RMDN2: variants seen among roughly 807,000 people sequenced by gnomAD.
RMDN2 encodes regulator of microtubule dynamics 2.
A neutral mutation model predicts 52.8 loss-of-function variants in RMDN2; 61 were observed. That is an observed-to-expected ratio of 1.16 (90% CI 0.94 to 1.43). The LOEUF (loss-of-function observed/expected upper bound fraction) is 1.43, where lower values mean the gene tolerates loss of function less well. Ranked by LOEUF, RMDN2 falls within the 40% of genes most tolerant of loss-of-function variation. The pLI is 0.00. For missense variants in RMDN2, 592 were observed against 475.3 expected, an observed-to-expected ratio of 1.25 and a Z score of -2.28; for synonymous variants, 180 against 153.1, an observed-to-expected ratio of 1.18 and a Z score of -1.30.
At chr2:38,023,571 A>G (rs777406237) in intron 10 of RMDN2, among the ~76,000 whole-genome samples, 1 of 152,040 alleles carries the variant, frequency 6.6e-6, no homozygotes. Flanking sequence ...GACTTGATCT[A>G]CTTGAACTGA....
intron 2 of RMDN2, among the ~76,000 whole-genome samples, chr2:37,949,080 G>T (rs1326668925): frequency 6.6e-6 from 1 of 152,126 alleles, no homozygotes; most frequent in Non-Finnish European, 1.5e-5. Flanking sequence ...ATGACAATCA[G>T]ACCTTAGTGC....
chr2:37,995,623 C>G (rs1236783371), intron 7 of RMDN2, among the ~76,000 whole-genome samples: 3 of 152,132 alleles, frequency 2.0e-5, no homozygotes, highest in Non-Finnish European at 4.4e-5. Flanking sequence ...AACATTGGAG[C>G]CTCACATTTA....
chr2:38,021,031 A>T (rs1004037990), downstream of RMDN2, among the ~76,000 whole-genome samples: 1 of 152,176 alleles, frequency 6.6e-6, no homozygotes, highest in African/African-American at 2.4e-5. Context: ...AAATACACCA[A>T]TCAGCACTCT....
intron 10 of RMDN2, among the ~76,000 whole-genome samples, chr2:38,012,433 G>A (rs578065335): frequency 6.6e-6 from 1 of 152,288 alleles, no homozygotes; most frequent in South Asian, 2.1e-4. Context: ...CTCAGTAAGT[G>A]TTGATAGAAA....
At chr2:38,014,719 GT>G (rs1678500902) in intron 10 of RMDN2, among the ~76,000 whole-genome samples, 1 of 152,214 alleles carries the variant, frequency 6.6e-6, no homozygotes, top group Non-Finnish European at 1.5e-5. Flanking sequence ...GAATATGTGT[GT>G]TTGGGTGAAA....
Position 37,998,591 on chromosome 2 carries a change from G to C in RMDN2, c.1044+1077G>C, listed in dbSNP as rs549798884. ...GTGCTGTATTTCAGGGAGCAGTTTT[G>C]TAGAACTGAGAGGGAATTTGTAGAT... On this transcript the variant is annotated intron_variant, in intron 8 of 10. Transcript: ENST00000354545. 3.0e-3 allele frequency among the ~76,000 whole-genome samples: 463 copies of C among 152,222 alleles called. 2 individuals carry two copies. The highest frequency in any genetic ancestry group is 5.1e-3 in the Non-Finnish European group (345 of 68,006).
intron 10 of RMDN2, among the ~76,000 whole-genome samples, chr2:38,014,125 T>A (rs533515389): frequency 9.2e-5 from 14 of 151,974 alleles, no homozygotes; most frequent in Non-Finnish European, 1.8e-4. Context: ...GGCAGGAGAA[T>A]CTCTTGAACC....
At chr2:37,964,748 T>C (rs1266393533) in intron 2 of RMDN2, among the ~76,000 whole-genome samples, 1 of 152,226 alleles carries the variant, frequency 6.6e-6, no homozygotes, top group Non-Finnish European at 1.5e-5. Flanking sequence ...TTACTAATCA[T>C]CCGCCTGGTT....
intron 2 of RMDN2, among the ~76,000 whole-genome samples, chr2:37,959,362 C>T (rs1199668043): frequency 1.3e-5 from 2 of 150,898 alleles, no homozygotes; most frequent in Non-Finnish European, 2.9e-5. Context: ...GATTTGACTT[C>T]TTCCTGGTTT....
At chr2:37,921,523 A>C (rs1410519962), upstream of RMDN2, among the ~76,000 whole-genome samples, 1 of 152,224 alleles carries the variant, frequency 6.6e-6, no homozygotes, top group Non-Finnish European at 1.5e-5. Flanking sequence ...CCATGGGGCA[A>C]ATGATCAGAT....
chr2:38,034,520 C>G (rs1680443083), intron 10 of RMDN2, among the ~76,000 whole-genome samples: 1 of 152,076 alleles, frequency 6.6e-6, no homozygotes, highest in South Asian at 2.1e-4. Flanking sequence ...TAAACAGTAT[C>G]CCTAATGCTG....
chr2:37,994,174 A>G (rs902099445), intron 7 of RMDN2, among the ~76,000 whole-genome samples: 1 of 152,232 alleles, frequency 6.6e-6, no homozygotes, highest in African/African-American at 2.4e-5. Flanking sequence ...AAACAAAACA[A>G]AAAACCAGCA....
chr2:38,011,040 G>A (rs1677910213), intron 10 of RMDN2, among the ~76,000 whole-genome samples: 1 of 152,180 alleles, frequency 6.6e-6, no homozygotes. Context: ...TCAGTGGGAA[G>A]GAGGGGGCAC....
chr2:38,027,724 CCTT>C (rs1432158285), intron 10 of RMDN2, among the ~76,000 whole-genome samples: 1 of 152,140 alleles, frequency 6.6e-6, no homozygotes, highest in Non-Finnish European at 1.5e-5. Flanking sequence ...TACTTTTCCT[CCTT>C]CTTGAATACT....
At chr2:37,923,618 C>T (rs1285427748), upstream of RMDN2, among the ~76,000 whole-genome samples, 2 of 152,122 alleles carry the variant, frequency 1.3e-5, no homozygotes, top group Non-Finnish European at 2.9e-5. Context: ...TTAAATAAAG[C>T]TAGCATTATA....
chr2:38,000,623 C>T (rs948450903), intron 8 of RMDN2, among the ~76,000 whole-genome samples: 8 of 152,182 alleles, frequency 5.3e-5, no homozygotes, highest in African/African-American at 1.7e-4. Flanking sequence ...GTATATCTGG[C>T]TTTTACTCAG....
intron 10 of RMDN2, among the ~76,000 whole-genome samples, chr2:38,063,865 A>T (rs543582389): frequency 3.3e-5 from 5 of 152,318 alleles, no homozygotes; most frequent in African/African-American, 7.2e-5. Context: ...TCATTTTTTT[A>T]AAAATTTAGC....
chr2:37,959,483 G>A (rs1337736916), intron 2 of RMDN2, among the ~76,000 whole-genome samples: 1 of 150,852 alleles, frequency 6.6e-6, no homozygotes, highest in Non-Finnish European at 1.5e-5. Flanking sequence ...GTATTTCTCT[G>A]GGATCAGTGG....
intron 2 of RMDN2, among the ~76,000 whole-genome samples, chr2:37,944,547 A>G (rs184435658): frequency 2.0e-5 from 3 of 152,182 alleles, no homozygotes; most frequent in Non-Finnish European, 4.4e-5. Flanking sequence ...GTAGCCTTTC[A>G]CTTCTAATGT....
Sources: allele counts gnomAD v4.1 joint callset (sites outside exome capture counted in the v4.1 genomes callset), GRCh38; gene constraint gnomAD v4.1.1; transcripts MANE v1.5; gene names NCBI Gene and HGNC (gene_info 2026-07-23, HGNC 2026-07-21).